The following GRAMD1B variants were observed in gnomAD, a reference collection of about 807,000 sequenced individuals.
GRAMD1B encodes the protein GRAM domain containing 1B.
A neutral mutation model predicts 99.7 loss-of-function variants in GRAMD1B; 37 were observed. The observed-to-expected ratio is 0.37, with a 90% CI of 0.29 to 0.49. The LOEUF (loss-of-function observed/expected upper bound fraction) is 0.49, where lower values mean the gene tolerates loss of function less well. Among genes scored for constraint, GRAMD1B ranks in the 20% least tolerant of loss-of-function variants. The pLI is 0.98. For missense variants in GRAMD1B, 888 were observed against 1,009.2 expected (o/e 0.88, Z 1.63); for synonymous variants, 427 against 387.6 (o/e 1.10, Z -1.19).
At chr11:123,368,287 G>GAA (rs1946396612) in intron 1 of GRAMD1B, among the ~76,000 whole-genome samples, 1 of 141,696 alleles carries the variant, frequency 7.1e-6, no homozygotes, top group African/African-American at 2.7e-5. Flanking sequence ...AAGAAAGAAA[G>GAA]AGGAGGGTCC....
intron 1 of GRAMD1B, among the ~76,000 whole-genome samples, chr11:123,461,908 G>T (rs191695266): frequency 8.5e-4 from 124 of 146,552 alleles, no homozygotes; most frequent in Non-Finnish European, 1.5e-3. Context: ...GCCCGGCCAA[G>T]ATAGCTCTAC....
chr11:123,609,242 A>G (rs1254676333), intron 12 of GRAMD1B, among the ~76,000 whole-genome samples: 1 of 152,140 alleles, frequency 6.6e-6, no homozygotes, highest in African/African-American at 2.4e-5. Flanking sequence ...GCCTGACCTC[A>G]TGCAGCTAAG....
intron 1 of GRAMD1B, among the ~76,000 whole-genome samples, chr11:123,448,108 A>G (rs1255144391): frequency 2.0e-5 from 3 of 152,040 alleles, no homozygotes; most frequent in African/African-American, 2.4e-5. Context: ...GACTCAAGCA[A>G]TCCTCTTGCC....
At chr11:123,598,560 G>A in intron 7 of GRAMD1B, 2 of 1,552,100 alleles carry the variant, frequency 1.3e-6, no homozygotes, top group Non-Finnish European at 1.8e-6. Context: ...AAACAAAGAG[G>A]TATCAAGTGA....
chr11:123,429,723 A>G (rs190183639), upstream of GRAMD1B, among the ~76,000 whole-genome samples: 294 of 152,038 alleles, frequency 1.9e-3, 1 homozygote, highest in African/African-American at 7.0e-3. This position sits in a 1 kb window ranked among gnomAD's most constrained non-coding sequence, Gnocchi z 4.0. Context: ...TTTCCTTGGT[A>G]TGTCATGTCT....
intron 2 of GRAMD1B, among the ~76,000 whole-genome samples, chr11:123,483,667 A>G (rs1466562765): frequency 2.6e-5 from 4 of 152,148 alleles, no homozygotes; most frequent in Admixed American, 6.5e-5. Context: ...GATTACAGGC[A>G]TTAGCCACCA....
chr11:123,393,668 G>T (rs1047932255), intron 1 of GRAMD1B, among the ~76,000 whole-genome samples: 7 of 152,158 alleles, frequency 4.6e-5, no homozygotes, highest in African/African-American at 1.7e-4. Flanking sequence ...AGAAAGCCAC[G>T]GTGGTTTTTG....
chr11:123,503,640 G>A (rs1239737022), intron 2 of GRAMD1B, among the ~76,000 whole-genome samples: 3 of 151,586 alleles, frequency 2.0e-5, no homozygotes, highest in South Asian at 2.1e-4. Flanking sequence ...TCTGCCTCCC[G>A]GGTTCAAGGC....
chr11:123,393,799 C>T (rs972016188), intron 1 of GRAMD1B, among the ~76,000 whole-genome samples: 1 of 152,168 alleles, frequency 6.6e-6, no homozygotes, highest in African/African-American at 2.4e-5. Flanking sequence ...ACTACACAGG[C>T]TTGAACACCA....
Position 123,590,441 on chromosome 11 carries a change from C to T in GRAMD1B, c.685-3641C>T, listed in dbSNP as rs375547292. 1.5e-4 allele frequency among the ~76,000 whole-genome samples: 23 copies of T among 152,334 alleles called. No individual in the cohort carries two copies. The East Asian group carries it at 3.1e-3, about 20-fold the overall frequency. On this transcript the variant is annotated intron_variant, in intron 4 of 19. Transcript: ENST00000635736. Reference sequence around the variant, plus strand: ...CCCTACTCCACGCCTCCATGTGGAGCCCTGGCCAGCAACTTTCCATTGCAG... The same window carrying T: ...CCCTACTCCACGCCTCCATGTGGAGTCCTGGCCAGCAACTTTCCATTGCAG...
In GRAMD1B at chr11:123,596,437, T is replaced by C. The variant is rs553008577; in HGVS notation, c.969+400T>C. On this transcript the variant is annotated intron_variant, in intron 7 of 19. Coordinates refer to ENST00000635736, the MANE Select transcript of GRAMD1B (RefSeq NM_001387025.1). ...TACAAATGTTAAGAAGTCGTCATTA[T>C]GTATCAGCTTAGCTGATTATCTCTC... 7.2e-5 allele frequency among the ~76,000 whole-genome samples: 11 copies of C among 152,384 alleles called. No individual in the cohort carries two copies. The South Asian group carries it at 2.3e-3, about 32-fold the overall frequency.
At chr11:123,371,665 G>A (rs1324258649) in intron 1 of GRAMD1B, among the ~76,000 whole-genome samples, 1 of 152,178 alleles carries the variant, frequency 6.6e-6, no homozygotes, top group Non-Finnish European at 1.5e-5. Context: ...TTTTTTACAA[G>A]TGTTGTCACC....
At chr11:123,513,609 C>T (rs58684464) in intron 2 of GRAMD1B, among the ~76,000 whole-genome samples, 4,249 of 35,336 alleles carry the variant, frequency 0.12, 303 homozygotes, top group African/African-American at 0.25. Context: ...TTCCTTCCTT[C>T]CTTCCTTCCT....
chr11:123,607,887 G>A (rs1408532968), intron 11 of GRAMD1B: 1 of 152,468 alleles, frequency 6.6e-6, no homozygotes, highest in Non-Finnish European at 1.5e-5. Flanking sequence ...TGTAGCAGCT[G>A]GAAAATTCAG....
intron 1 of GRAMD1B, among the ~76,000 whole-genome samples, chr11:123,411,824 T>G (rs1422645346): frequency 6.6e-6 from 1 of 151,916 alleles, no homozygotes; most frequent in Non-Finnish European, 1.5e-5. Context: ...ATTTTTGTAT[T>G]TTTTTGGTAG....
At chr11:123,392,352 C>A (rs1339607284) in intron 1 of GRAMD1B, among the ~76,000 whole-genome samples, 1 of 151,384 alleles carries the variant, frequency 6.6e-6, no homozygotes, top group African/African-American at 2.4e-5. Context: ...TCTGCTTGTC[C>A]TTTAAGTATT....
At chr11:123,392,402 T>C (rs1008281233) in intron 1 of GRAMD1B, among the ~76,000 whole-genome samples, 2 of 151,672 alleles carry the variant, frequency 1.3e-5, no homozygotes, top group African/African-American at 4.8e-5. Flanking sequence ...TCCTCTCTTT[T>C]CTTTGGATAT....
intron 1 of GRAMD1B, among the ~76,000 whole-genome samples, chr11:123,455,636 T>A (rs1818734044): frequency 6.6e-6 from 1 of 152,230 alleles, no homozygotes. Context: ...ACTTACTCTC[T>A]GCCCTTAACA....
intron 2 of GRAMD1B, among the ~76,000 whole-genome samples, chr11:123,483,469 C>T (rs1175582909): frequency 4.0e-5 from 6 of 151,178 alleles, no homozygotes; most frequent in Admixed American, 4.0e-4. Context: ...TCACTCCAAC[C>T]TCTGCCTCTA....
Sources: gnomAD v4.1 joint callset for allele counts (sites outside exome capture counted in the v4.1 genomes callset) on GRCh38, gnomAD v4.1.1 for gene constraint, Gnocchi (gnomAD v3.1) non-coding constraint, MANE v1.5 for transcripts, NCBI Gene and HGNC (gene_info 2026-07-23, HGNC 2026-07-21) for gene names.